The following FBXL7 variants were observed in gnomAD, a reference collection of about 807,000 sequenced individuals.
FBXL7 encodes F-box and leucine rich repeat protein 7.
A neutral mutation model predicts 38.3 loss-of-function variants in FBXL7; 12 were observed. The ratio of observed to expected loss-of-function variants is 0.31; its 90% CI spans 0.20 to 0.51. FBXL7 has a LOEUF of 0.51. Among genes scored for constraint, FBXL7 ranks in the 20% least tolerant of loss-of-function variants. The pLI is 0.98. For missense variants in FBXL7, 567 were observed against 676.4 expected (o/e 0.84, Z 1.79); for synonymous variants, 297 against 300.9 (o/e 0.99, Z 0.13).
intron 2 of FBXL7, among the ~76,000 whole-genome samples, chr5:15,927,384 G>A (rs1741902717): frequency 6.6e-6 from 1 of 152,132 alleles, no homozygotes. Flanking sequence ...ACGTGCATGT[G>A]CTTGGTCCTC....
chr5:15,654,520 C>A (rs1741814798), intron 2 of FBXL7, among the ~76,000 whole-genome samples: 1 of 151,850 alleles, frequency 6.6e-6, no homozygotes, highest in Non-Finnish European at 1.5e-5. Flanking sequence ...TATTCGGAAG[C>A]CATCTCTCTG....
At chr5:15,806,392 C>CAAA (rs139928455) in intron 2 of FBXL7, among the ~76,000 whole-genome samples, 1 of 150,862 alleles carries the variant, frequency 6.6e-6, no homozygotes, top group Non-Finnish European at 1.5e-5. Flanking sequence ...AGTGTAAAAA[C>CAAA]AAAAAAACAA....
intron 2 of FBXL7, among the ~76,000 whole-genome samples, chr5:15,680,365 C>G (rs892284062): frequency 6.6e-6 from 1 of 152,180 alleles, no homozygotes; most frequent in Non-Finnish European, 1.5e-5. Context: ...CTGAGATTTG[C>G]TGCACTTTTG....
At chr5:15,776,717 A>G in intron 2 of FBXL7, among the ~76,000 whole-genome samples, 1 of 152,148 alleles carries the variant, frequency 6.6e-6, no homozygotes, top group East Asian at 1.9e-4. Flanking sequence ...AACACTAGAG[A>G]GAGAAAAGAA....
At position 15,877,559 on chromosome 5, in the gene FBXL7, A is replaced by G. The variant is rs188584982; in HGVS notation, c.128-50331A>G. 1.8e-3 allele frequency among the ~76,000 whole-genome samples: 267 copies of G among 151,220 alleles called. 1 individual carries two copies. The highest frequency in any genetic ancestry group is 3.1e-3 in the Non-Finnish European group (213 of 67,698). Reference sequence around the variant, plus strand: ...TGTAGATCTATGCACTTGGCAAGGTAAATAACAATGAATAATAAAATAATG... The same window carrying G: ...TGTAGATCTATGCACTTGGCAAGGTGAATAACAATGAATAATAAAATAATG... On this transcript the variant is annotated intron_variant, in intron 2 of 3. Coordinates refer to ENST00000504595, the MANE Select transcript of FBXL7 (RefSeq NM_012304.5).
intron 2 of FBXL7, among the ~76,000 whole-genome samples, chr5:15,643,763 G>A (rs1185469502): frequency 6.6e-6 from 1 of 152,158 alleles, no homozygotes; most frequent in Non-Finnish European, 1.5e-5. Flanking sequence ...AATGGAAAGT[G>A]CTTTGGGAAC....
chr5:15,633,777 ATT>A (rs869227039), intron 2 of FBXL7, among the ~76,000 whole-genome samples: 5 of 133,476 alleles, frequency 3.7e-5, no homozygotes, highest in African/African-American at 8.6e-5. Context: ...TATTATTATT[ATT>A]TTATTATTTT....
intron 1 of FBXL7, among the ~76,000 whole-genome samples, chr5:15,565,154 G>C (rs1738530385): frequency 6.6e-6 from 1 of 152,010 alleles, no homozygotes; most frequent in Non-Finnish European, 1.5e-5. Flanking sequence ...CTGTCTTGCT[G>C]ATACAATTTT....
At chr5:15,506,834 A>G (rs1736661738) in intron 1 of FBXL7, among the ~76,000 whole-genome samples, 3 of 151,634 alleles carry the variant, frequency 2.0e-5, no homozygotes, top group African/African-American at 7.3e-5. Context: ...TCACGTTGGG[A>G]TTAGAGATTC....
chr5:15,843,034 C>G (rs917843498), intron 2 of FBXL7, among the ~76,000 whole-genome samples: 1 of 152,082 alleles, frequency 6.6e-6, no homozygotes, highest in Non-Finnish European at 1.5e-5. Flanking sequence ...ATACAAATAA[C>G]AGGTTATATT....
chr5:15,687,910 G>A (rs189852949), intron 2 of FBXL7, among the ~76,000 whole-genome samples: 1 of 152,278 alleles, frequency 6.6e-6, no homozygotes, highest in African/African-American at 2.4e-5. Flanking sequence ...AGCTTTTCGA[G>A]GAACTGTTCA....
chr5:15,784,051 T>C (rs1737071195), intron 2 of FBXL7, among the ~76,000 whole-genome samples: 1 of 152,156 alleles, frequency 6.6e-6, no homozygotes, highest in Non-Finnish European at 1.5e-5. Flanking sequence ...AGTGACTGTT[T>C]CCCTGGCAGC....
intron 2 of FBXL7, among the ~76,000 whole-genome samples, chr5:15,807,276 A>G (rs1227214265): frequency 6.6e-6 from 1 of 152,172 alleles, no homozygotes; most frequent in African/African-American, 2.4e-5. Flanking sequence ...AAGATATTTT[A>G]TAATGAGAAA....
chr5:15,615,774 A>T (rs1740426177), intron 1 of FBXL7, among the ~76,000 whole-genome samples: 1 of 152,220 alleles, frequency 6.6e-6, no homozygotes, highest in South Asian at 2.1e-4. Flanking sequence ...ATATTATAAG[A>T]AGACTTTAGT....
chr5:15,529,590 G>A (rs1050066346), intron 1 of FBXL7, among the ~76,000 whole-genome samples: 13 of 152,030 alleles, frequency 8.6e-5, no homozygotes, highest in Admixed American at 2.6e-4. Flanking sequence ...GGGTTTCACC[G>A]TGTTAGCCAG....
intron 2 of FBXL7, among the ~76,000 whole-genome samples, chr5:15,829,226 C>T (rs1738390844): frequency 6.6e-6 from 1 of 152,090 alleles, no homozygotes; most frequent in Non-Finnish European, 1.5e-5. Flanking sequence ...CATTTTTATC[C>T]TTGTCTTCTA....
intron 2 of FBXL7, among the ~76,000 whole-genome samples, chr5:15,667,099 T>G (rs1010181955): frequency 6.6e-6 from 1 of 152,204 alleles, no homozygotes; most frequent in Non-Finnish European, 1.5e-5. Context: ...GATGGTAAAT[T>G]GTAGTCACTA....
intron 2 of FBXL7, among the ~76,000 whole-genome samples, chr5:15,802,280 T>A (rs1351577936): frequency 6.6e-6 from 1 of 152,156 alleles, no homozygotes; most frequent in African/African-American, 2.4e-5. Context: ...TTGAGAAGCA[T>A]GACCCAGATC....
chr5:15,573,299 A>G (rs538190939), intron 1 of FBXL7, among the ~76,000 whole-genome samples: 1 of 152,322 alleles, frequency 6.6e-6, no homozygotes, highest in South Asian at 2.1e-4. Context: ...TAGAGTGTCT[A>G]CAAAAGCATG....
Sources: gnomAD v4.1 joint callset for allele counts (sites outside exome capture counted in the v4.1 genomes callset) on GRCh38, gnomAD v4.1.1 for gene constraint, MANE v1.5 for transcripts, NCBI Gene and HGNC (gene_info 2026-07-23, HGNC 2026-07-21) for gene names.